The following FABP12 variants were observed in gnomAD, a reference collection of about 807,000 sequenced individuals.
FABP12 encodes fatty acid-binding protein 12.
In FABP12, 19 loss-of-function variants were observed where a neutral mutation model predicts 13.7. The ratio of observed to expected loss-of-function variants is 1.39; its 90% confidence interval spans 0.97 to 2.04. The LOEUF is 2.04. FABP12 is among the 30% of genes most tolerant of loss of function. The pLI, the probability that FABP12 is intolerant of heterozygous loss-of-function variation, is 0.00. For missense variants in FABP12, 182 were observed against 164.2 expected (o/e 1.11, Z -0.59); for synonymous variants, 61 against 57.0 (o/e 1.07, Z -0.32).
chr8:81,552,622 G>C (rs1809539101), intron 1 of FABP12, among the ~76,000 whole-genome samples: 1 of 152,170 alleles, frequency 6.6e-6, no homozygotes, highest in South Asian at 2.1e-4. Context: ...GGATGAATTT[G>C]TGAGAGATTT....
chr8:81,541,031 G>A (rs1192657862), intron 1 of FABP12, among the ~76,000 whole-genome samples: 3 of 151,960 alleles, frequency 2.0e-5, no homozygotes, highest in Non-Finnish European at 4.4e-5. Context: ...GCCAGGTTTG[G>A]TGGTGGGTGC....
chr8:81,575,146 G>T (rs1221642229), intron 1 of FABP12, among the ~76,000 whole-genome samples: 1 of 151,990 alleles, frequency 6.6e-6, no homozygotes, highest in African/African-American at 2.4e-5. Flanking sequence ...GTTTTGATAG[G>T]TTGTGTCATT....
intron 1 of FABP12, among the ~76,000 whole-genome samples, chr8:81,567,627 C>G (rs914539710): frequency 2.6e-5 from 4 of 152,166 alleles, no homozygotes; most frequent in Admixed American, 1.3e-4. Context: ...AAACTAGACC[C>G]CTTTCTCTTG....
At chr8:81,555,909 AAATTT>A (rs1809606036) in intron 1 of FABP12, among the ~76,000 whole-genome samples, 1 of 152,194 alleles carries the variant, frequency 6.6e-6, no homozygotes, top group Non-Finnish European at 1.5e-5. Context: ...GAAATTAGAC[AAATTT>A]AATTTGTGGA....
At chr8:81,563,542 A>G (rs143926848) in intron 1 of FABP12, among the ~76,000 whole-genome samples, 154 of 152,322 alleles carry the variant, frequency 1.0e-3, no homozygotes, top group African/African-American at 3.7e-3. Context: ...AGATAACACA[A>G]AGAAGAAATT....
intron 1 of FABP12, among the ~76,000 whole-genome samples, chr8:81,551,114 A>G (rs1809516075): frequency 6.6e-6 from 1 of 152,164 alleles, no homozygotes; most frequent in Admixed American, 6.6e-5. Context: ...CTGCTATTTA[A>G]TCATTATATA....
At chr8:81,554,730 C>G (rs1211527171) in intron 1 of FABP12, among the ~76,000 whole-genome samples, 1 of 151,966 alleles carries the variant, frequency 6.6e-6, no homozygotes, top group African/African-American at 2.4e-5. Flanking sequence ...TTTGGCTTCC[C>G]TGGGCCCCAT....
At chr8:81,541,910 TAAAAAAAAAAAAAAAA>T (rs1167487132) in intron 1 of FABP12, among the ~76,000 whole-genome samples, 17 of 71,156 alleles carry the variant, frequency 2.4e-4, no homozygotes, top group Admixed American at 1.2e-3. Flanking sequence ...TCCCAGGGTT[TAAAAAAAAAAAAAAAA>T]AAAAAAAAAA....
intron 1 of FABP12, among the ~76,000 whole-genome samples, chr8:81,562,489 C>T (rs1809741723): frequency 6.6e-6 from 1 of 152,286 alleles, no homozygotes; most frequent in African/African-American, 2.4e-5. Context: ...CAATTCTAGG[C>T]CTTGGCTCTT....
chr8:81,574,923 TA>T (rs1283783322), intron 1 of FABP12, among the ~76,000 whole-genome samples: 8 of 144,412 alleles, frequency 5.5e-5, no homozygotes, highest in Admixed American at 5.5e-4. Flanking sequence ...TTATCTTTTG[TA>T]TTTTTTTTTT....
chr8:81,588,494 T>C (rs1358548928), intron 1 of FABP12, among the ~76,000 whole-genome samples: 3 of 152,232 alleles, frequency 2.0e-5, no homozygotes, highest in Non-Finnish European at 4.4e-5. Context: ...TTTTTGTATG[T>C]TAATTTTGTA....
At chr8:81,580,741 G>A (rs576824902) in intron 1 of FABP12, among the ~76,000 whole-genome samples, 30 of 152,068 alleles carry the variant, frequency 2.0e-4, no homozygotes, top group Middle Eastern at 3.4e-3. Context: ...CTGGACCCTA[G>A]GCACAAGTCT....
At chr8:81,560,795 G>A (rs1483845448) in intron 1 of FABP12, among the ~76,000 whole-genome samples, 1 of 152,164 alleles carries the variant, frequency 6.6e-6, no homozygotes, top group South Asian at 2.1e-4. Context: ...CTGGTAGGTG[G>A]CAGAGCTAAG....
intron 1 of FABP12, among the ~76,000 whole-genome samples, chr8:81,566,530 T>A (rs1809823934): frequency 6.6e-6 from 1 of 152,088 alleles, no homozygotes; most frequent in Admixed American, 6.5e-5. Flanking sequence ...AATCAATCAG[T>A]GTGGTACATC....
At chr8:81,540,566 G>A (rs945125705) in intron 1 of FABP12, among the ~76,000 whole-genome samples, 11 of 152,220 alleles carry the variant, frequency 7.2e-5, no homozygotes, top group African/African-American at 2.2e-4. Flanking sequence ...AAACTGTCAA[G>A]GTCATGAATC....
chr8:81,556,668 T>A (rs1215752912), intron 1 of FABP12, among the ~76,000 whole-genome samples: 1 of 149,674 alleles, frequency 6.7e-6, no homozygotes, highest in Non-Finnish European at 1.5e-5. Context: ...TCTCTTTTAA[T>A]ACAAAGATCT....
intron 1 of FABP12, among the ~76,000 whole-genome samples, chr8:81,561,880 G>A (rs1044665423): frequency 9.9e-5 from 15 of 152,160 alleles, no homozygotes; most frequent in African/African-American, 3.4e-4. Flanking sequence ...CATAAGGACT[G>A]CAATTCCCAG....
At chr8:81,550,352 A>T (rs1009302786) in intron 1 of FABP12, among the ~76,000 whole-genome samples, 3 of 152,212 alleles carry the variant, frequency 2.0e-5, no homozygotes, top group Non-Finnish European at 4.4e-5. Context: ...ATGAAACTGC[A>T]TTGGCTTTGC....
chr8:81,553,706 A>G (rs1311366883), intron 1 of FABP12, among the ~76,000 whole-genome samples: 1 of 152,194 alleles, frequency 6.6e-6, no homozygotes, highest in African/African-American at 2.4e-5. Flanking sequence ...TCATACTTTC[A>G]TAAGTTTTAG....
Sources: gnomAD v4.1 joint callset for allele counts (sites outside exome capture counted in the v4.1 genomes callset) on GRCh38, gnomAD v4.1.1 for gene constraint, MANE v1.5 for transcripts, NCBI Gene and HGNC (gene_info 2026-07-23, HGNC 2026-07-21) for gene names.